The following SMC4 variants were observed in gnomAD, a reference collection of about 807,000 sequenced individuals.
SMC4 encodes the protein structural maintenance of chromosomes protein 4.
Under a neutral mutation model 145.6 loss-of-function variants are expected in SMC4, and 87 were observed. That is an observed-to-expected ratio of 0.60 (90% CI 0.50 to 0.71). SMC4 has a LOEUF of 0.71. Ranked by LOEUF, SMC4 falls within the 30% of genes least tolerant of loss-of-function variation. SMC4 has a pLI of 0.00. For missense variants in SMC4, 1,447 were observed against 1,537.1 expected (o/e 0.94, Z 0.98); for synonymous variants, 558 against 500.7 (o/e 1.11, Z -1.53).
intron 3 of SMC4, 49 bp from the exon 4 acceptor site, chr3:160,402,627 C>G (rs891275631): frequency 8.4e-6 from 13 of 1,556,664 alleles, no homozygotes; most frequent in Non-Finnish European, 1.1e-5. Context: ...GTAGTATTAG[C>G]ATGACCTTAT....
At chr3:160,421,614 GGC>G (rs1717186791) in intron 13 of SMC4, among the ~76,000 whole-genome samples, 1 of 152,076 alleles carries the variant, frequency 6.6e-6, no homozygotes, top group Non-Finnish European at 1.5e-5. Context: ...CATGGTAGCA[GGC>G]GCCTGTAATC....
At chr3:160,409,288 AAAAAGAC>A (rs1351977711) in intron 5 of SMC4, among the ~76,000 whole-genome samples, 2 of 148,718 alleles carry the variant, frequency 1.3e-5, no homozygotes, top group African/African-American at 5.0e-5. Flanking sequence ...AAAAAAAAAA[AAAAAGAC>A]TGAATGTTAT....
rs1394103330 is a variant in SMC4, at chr3:160,402,089, A to C, written c.314A>C (p.His105Pro). 1.3e-6 allele frequency: 2 copies of C among 1,533,644 alleles called. No homozygotes were observed. ...YAGEKILGPF[H>P]KRFSCIIGPN... The stretch of plus-strand genomic sequence containing the variant: ...GGGGAGAAAATTCTGGGACCTTTCC[A>C]TAAGGTATTTGTATGGAAATAACTA... Residue 105 changes from histidine to proline, a missense_variant, in exon 3 of 24, where the codon CAT becomes CCT. Coordinates refer to ENST00000357388, the MANE Select transcript of SMC4 (RefSeq NM_001002800.3).
In SMC4 at chr3:160,419,361, GAAA is replaced by G; in HGVS notation, c.1678_1680del (p.Lys560del). ...TTCATTTTATTTTCACTTTTAGAAAGAAAAAGAACTTCAAAAACTTACACAAGA... is the reference window on the plus strand; with the variant it reads ...TTCATTTTATTTTCACTTTTAGAAAGAAGAACTTCAAAAACTTACACAAGA... On this transcript the variant is annotated inframe_deletion, in exon 12 of 24. Coordinates refer to ENST00000357388, the MANE Select transcript of SMC4 (RefSeq NM_001002800.3). The G allele has an allele frequency of 6.3e-7, 1 of 1,580,674 alleles. No individual in the cohort carries two copies. The highest frequency in any genetic ancestry group is 8.6e-7 in the Non-Finnish European group (1 of 1,167,640).
In SMC4 at chr3:160,425,022, A is replaced by ATGTGTGTGTGCGTG; in HGVS notation, c.2478+13_2478+14insCGTGTGTGTGTGTG. 1.4e-6 allele frequency: 2 copies of ATGTGTGTGTGCGTG among 1,468,122 alleles called. No homozygotes were observed. The highest frequency in any genetic ancestry group is 1.8e-6 in the Non-Finnish European group (2 of 1,090,112). 90.9% of individuals were successfully genotyped at this position (1,468,122 alleles called of 1,614,324 possible). A position where few individuals can be genotyped will look rare whatever the true frequency, so the allele number is the denominator to read the frequency against. ...AAAAATTTACTGCAAGCATCCAGGT[A>ATGTGTGTGTGCGTG]TGTGTGTGTGTGTGTGTGTGTGTGT... is the stretch of plus-strand genomic sequence containing the variant. On this transcript the variant is annotated splice_donor_region_variant and intron_variant, in intron 16 of 23. Transcript: ENST00000357388.
In SMC4 at chr3:160,416,234, T is replaced by A. The variant is rs1716564658; in HGVS notation, c.1273-17T>A. On this transcript the variant is annotated splice_polypyrimidine_tract_variant and intron_variant, in intron 9 of 23. Coordinates refer to ENST00000357388, the MANE Select transcript of SMC4 (RefSeq NM_001002800.3). ...ACATAAAGATGTATGCTCCTATAAC[T>A]TGTTTTATAATCTCAGGTTGAAGAA... The A allele has an allele frequency of 6.4e-7, 1 of 1,560,676 alleles. No homozygotes were observed. The highest frequency in any genetic ancestry group is 8.7e-7 in the Non-Finnish European group (1 of 1,154,094).
intron 6 of SMC4, 32 bp downstream of exon 6, chr3:160,412,116 A>G: frequency 6.3e-7 from 1 of 1,591,896 alleles, no homozygotes; most frequent in South Asian, 1.1e-5. Flanking sequence ...ATTGTAAATC[A>G]GAATGTTTCA....
chr3:160,400,786 C>CG, intron 1 of SMC4, 36 bp from the exon 2 acceptor site: 5 of 1,462,718 alleles, frequency 3.4e-6, no homozygotes, highest in Non-Finnish European at 3.6e-6. Context: ...TAGCGGCCCG[C>CG]GGGCTGACTT....
At chr3:160,400,661 A>G in intron 1 of SMC4, 161 bp from the exon 2 acceptor site, 3 of 852,654 alleles carry the variant, frequency 3.5e-6, no homozygotes, top group South Asian at 2.2e-5. Flanking sequence ...CCTTCTTGCC[A>G]CTCGTGTCTT....
chr3:160,401,842 C>T, intron 2 of SMC4, 73 bp from the exon 3 acceptor site: 1 of 1,162,566 alleles, frequency 8.6e-7, no homozygotes, highest in Non-Finnish European at 1.2e-6. Context: ...CATTAGTTCT[C>T]CGAACTAATT....
chr3:160,428,622 C>T, intron 17 of SMC4, 131 bp from the exon 18 acceptor site: 8 of 705,892 alleles, frequency 1.1e-5, no homozygotes, highest in East Asian at 6.3e-5. Context: ...TTTTAAGGTG[C>T]TTTTTCCCAT....
At chr3:160,430,010 C>T (rs762545277) in intron 18 of SMC4, among the ~76,000 whole-genome samples, 3 of 152,114 alleles carry the variant, frequency 2.0e-5, no homozygotes, top group Admixed American at 6.5e-5. Flanking sequence ...CCACCGCACC[C>T]GGCCTTAATT....
intron 4 of SMC4, among the ~76,000 whole-genome samples, chr3:160,403,543 G>C (rs1714950101): frequency 6.6e-6 from 1 of 152,036 alleles, no homozygotes; most frequent in African/African-American, 2.4e-5. Flanking sequence ...GAGGTGATTT[G>C]TCTTTTGAAT....
chr3:160,429,154 T>C (rs1035297119), intron 18 of SMC4, among the ~76,000 whole-genome samples: 1 of 152,064 alleles, frequency 6.6e-6, no homozygotes, highest in Non-Finnish European at 1.5e-5. Context: ...AGGTATGCCA[T>C]AGGAAAGTAC....
At chr3:160,413,371 A>G in intron 7 of SMC4, 102 bp from the exon 8 acceptor site, 2 of 1,152,442 alleles carry the variant, frequency 1.7e-6, no homozygotes, top group South Asian at 2.9e-5. Flanking sequence ...TTGACTAGTT[A>G]ATAATATTTT....
chr3:160,433,981 T>C lies in SMC4; in HGVS notation c.*172T>C, dbSNP rs898825291. The C allele has an allele frequency of 2.1e-4, 97 of 469,698 alleles. No homozygotes were observed. Among genetic ancestry groups the C allele is most frequent in the Admixed American group, 1.8e-4 (4 of 21,814 alleles). The allele number at this position is 469,698 out of a possible 1,614,324, so 29.1% of individuals were successfully genotyped here. ...CTAATAAAATATTCTCTATAATTGC[T>C]TCTAGATTACAAAAATATGACAATC... On this transcript the variant is annotated 3_prime_UTR_variant, in exon 24 of 24. Transcript: ENST00000357388.
intron 15 of SMC4, among the ~76,000 whole-genome samples, chr3:160,424,057 TTTAA>T (rs1018015385): frequency 6.6e-6 from 1 of 152,226 alleles, no homozygotes; most frequent in African/African-American, 2.4e-5. Flanking sequence ...AAGTACACTT[TTTAA>T]TTAGTACATT....
intron 5 of SMC4, among the ~76,000 whole-genome samples, chr3:160,409,265 CAAAAAAAAA>C (rs10547167): frequency 1.4e-3 from 86 of 61,980 alleles, no homozygotes; most frequent in African/African-American, 4.7e-3. Context: ...AACTCCGTCT[CAAAAAAAAA>C]AAAAAAAAAA....
intron 5 of SMC4, among the ~76,000 whole-genome samples, chr3:160,408,673 A>G (rs977742405): frequency 6.6e-6 from 1 of 152,234 alleles, no homozygotes; most frequent in African/African-American, 2.4e-5. Context: ...AATTAAAACT[A>G]TATTCTGTAA....
Sources: allele counts gnomAD v4.1 joint callset (sites outside exome capture counted in the v4.1 genomes callset), GRCh38; gene constraint gnomAD v4.1.1; transcripts MANE v1.5; gene names NCBI Gene and HGNC (gene_info 2026-07-23, HGNC 2026-07-21).